Variants in METTL15 observed in about 807,000 individuals in gnomAD.
METTL15 encodes the protein 12S rRNA N(4)-cytidine methyltransferase METTL15.
In METTL15, 34 loss-of-function variants were observed where a neutral mutation model predicts 38.3. That is an observed-to-expected ratio of 0.89 (90% CI 0.68 to 1.18). The LOEUF is 1.18. Among genes scored for constraint, METTL15 ranks in the 50% most tolerant of loss-of-function variants. METTL15 has a pLI of 0.00. For synonymous variants in METTL15, 162 were observed against 170.9 expected (o/e 0.95, Z 0.41); for missense variants, 438 against 498.4 (o/e 0.88, Z 1.15).
chr11:28,228,311 C>A (rs919207583), intron 4 of METTL15, among the ~76,000 whole-genome samples: 1 of 151,364 alleles, frequency 6.6e-6, no homozygotes, highest in Non-Finnish European at 1.5e-5. Context: ...CTTTTAACTT[C>A]AGCTCTGCTA....
chr11:28,298,326 A>T (rs1856808735), intron 6 of METTL15, among the ~76,000 whole-genome samples: 1 of 151,996 alleles, frequency 6.6e-6, no homozygotes, highest in Non-Finnish European at 1.5e-5. Context: ...GAGAAGTGAT[A>T]TTTTTTTATT....
intron 3 of METTL15, among the ~76,000 whole-genome samples, chr11:28,134,123 T>G (rs1849435487): frequency 6.6e-6 from 1 of 152,114 alleles, no homozygotes; most frequent in South Asian, 2.1e-4. Flanking sequence ...GATTCAAGAT[T>G]TTTTTGCTGC....
chr11:28,230,778 G>T (rs868794265), intron 4 of METTL15, among the ~76,000 whole-genome samples: 22 of 151,834 alleles, frequency 1.4e-4, no homozygotes, highest in South Asian at 2.1e-4. Flanking sequence ...CTGCTGGATT[G>T]GATTATCTAC....
chr11:28,356,023 A>T (rs1299435216), intron 4 of METTL15, among the ~76,000 whole-genome samples: 1 of 152,124 alleles, frequency 6.6e-6, no homozygotes, highest in African/African-American at 2.4e-5. Context: ...GTCTCTCTAC[A>T]TGTAATTTTT....
intron 6 of METTL15, among the ~76,000 whole-genome samples, chr11:28,524,650 G>T (rs1430409587): frequency 1.3e-5 from 2 of 152,150 alleles, no homozygotes; most frequent in Non-Finnish European, 2.9e-5. Flanking sequence ...CCTCAAAAAT[G>T]GAATAATCAG....
At chr11:28,383,581 C>T (rs1439512695) in intron 5 of METTL15, among the ~76,000 whole-genome samples, 1 of 152,098 alleles carries the variant, frequency 6.6e-6, no homozygotes, top group Non-Finnish European at 1.5e-5. Context: ...ACATTCCCAC[C>T]AGCAGTGTGT....
chr11:28,130,191 G>A (rs1172552217), intron 3 of METTL15, among the ~76,000 whole-genome samples: 2 of 151,982 alleles, frequency 1.3e-5, no homozygotes, highest in Non-Finnish European at 2.9e-5. Flanking sequence ...TACACTTGCA[G>A]TCCCAGTTAT....
intron 3 of METTL15, among the ~76,000 whole-genome samples, chr11:28,130,838 T>C (rs2133631482): frequency 6.6e-6 from 1 of 152,352 alleles, no homozygotes; most frequent in South Asian, 2.1e-4. Flanking sequence ...GTTACATTTC[T>C]AGAAAATTCA....
At chr11:28,499,748 G>C (rs1851566580) in intron 6 of METTL15, among the ~76,000 whole-genome samples, 1 of 152,156 alleles carries the variant, frequency 6.6e-6, no homozygotes, top group South Asian at 2.1e-4. Flanking sequence ...TCAGAGGTCA[G>C]GAACTGTAAG....
chr11:28,192,966 T>C (rs1851754370), intron 3 of METTL15, among the ~76,000 whole-genome samples: 1 of 152,084 alleles, frequency 6.6e-6, no homozygotes, highest in Non-Finnish European at 1.5e-5. Flanking sequence ...GCATTATTCT[T>C]TTATTATCTG....
At chr11:28,391,264 A>C (rs1218799556) in intron 5 of METTL15, among the ~76,000 whole-genome samples, 1 of 152,038 alleles carries the variant, frequency 6.6e-6, no homozygotes, top group Non-Finnish European at 1.5e-5. Context: ...TTCCCACACT[A>C]TATTGAGTAG....
intron 1 of METTL15, among the ~76,000 whole-genome samples, chr11:28,109,255 G>A (rs1851615232): frequency 6.6e-6 from 1 of 152,180 alleles, no homozygotes; most frequent in East Asian, 1.9e-4. Context: ...CTAGACAGAG[G>A]ATCAATAAAG....
intron 6 of METTL15, among the ~76,000 whole-genome samples, chr11:28,309,957 G>A (rs183756716): frequency 2.0e-5 from 3 of 152,100 alleles, no homozygotes; most frequent in East Asian, 3.9e-4. Context: ...GCCTACCCAC[G>A]TCTACTTTTT....
intron 5 of METTL15, among the ~76,000 whole-genome samples, chr11:28,379,710 G>T (rs1301564590): frequency 6.6e-6 from 1 of 152,168 alleles, no homozygotes; most frequent in African/African-American, 2.4e-5. Flanking sequence ...TTCTGTAAAT[G>T]TCAGTTAGGA....
At chr11:28,157,661 C>T (rs1349828011) in intron 3 of METTL15, among the ~76,000 whole-genome samples, 1 of 152,144 alleles carries the variant, frequency 6.6e-6, no homozygotes, top group Non-Finnish European at 1.5e-5. Flanking sequence ...TTGGGTCATG[C>T]ACAGGAGCAT....
intron 4 of METTL15, among the ~76,000 whole-genome samples, chr11:28,281,899 G>T (rs1856069709): frequency 6.6e-6 from 1 of 152,140 alleles, no homozygotes; most frequent in Non-Finnish European, 1.5e-5. Flanking sequence ...CCAGAGTGGG[G>T]AAAGATTACT....
intron 3 of METTL15, chr11:28,145,055 G>GA (rs750173325): frequency 1.8e-4 from 30 of 170,976 alleles, no homozygotes; most frequent in Non-Finnish European, 3.1e-4. Flanking sequence ...TTCAGGCTCT[G>GA]AATAGCTGTC....
intron 6 of METTL15, among the ~76,000 whole-genome samples, chr11:28,315,677 G>A (rs1226325770): frequency 1.3e-5 from 2 of 152,204 alleles, no homozygotes; most frequent in Non-Finnish European, 2.9e-5. Context: ...TTCCATCACT[G>A]GCCTAGAAGC....
chr11:28,297,962 T>G (rs1335592188), intron 6 of METTL15, among the ~76,000 whole-genome samples: 1 of 152,096 alleles, frequency 6.6e-6, no homozygotes, highest in Non-Finnish European at 1.5e-5. Context: ...CACATAGCAA[T>G]TGTTTTATGA....
Sources: allele counts gnomAD v4.1 joint callset (sites outside exome capture counted in the v4.1 genomes callset), GRCh38; gene constraint gnomAD v4.1.1; transcripts MANE v1.5; gene names NCBI Gene and HGNC (gene_info 2026-07-23, HGNC 2026-07-21).